The following SLC25A40 variants were observed in gnomAD, a reference collection of about 807,000 sequenced individuals.
SLC25A40 encodes mitochondrial glutathione transporter SLC25A40.
A neutral mutation model predicts 46.5 loss-of-function variants in SLC25A40; 41 were observed. The ratio of observed to expected loss-of-function variants is 0.88; its 90% CI spans 0.69 to 1.14. The LOEUF is 1.14. Among genes scored for constraint, SLC25A40 ranks in the 50% most tolerant of loss-of-function variants. The probability of loss-of-function intolerance (pLI) is 0.00; values close to 1 mark genes in which losing one functional copy is unlikely to be tolerated. For synonymous variants in SLC25A40, 126 were observed against 127.5 expected (o/e 0.99, Z 0.08); for missense variants, 386 against 393.6 (o/e 0.98, Z 0.16).
At chr7:87,870,546 C>G (rs1384173876) in intron 1 of SLC25A40, among the ~76,000 whole-genome samples, 1 of 152,138 alleles carries the variant, frequency 6.6e-6, no homozygotes, top group Non-Finnish European at 1.5e-5. Flanking sequence ...ACTTAGATCC[C>G]TGTTTTCCCA....
At chr7:87,866,589 C>G (rs1838802700) in intron 1 of SLC25A40, among the ~76,000 whole-genome samples, 1 of 152,190 alleles carries the variant, frequency 6.6e-6, no homozygotes, top group African/African-American at 2.4e-5. Flanking sequence ...TGGGCGTCCT[C>G]TGAGGAGAAA....
At chr7:87,865,783 A>C (rs1029122412) in intron 1 of SLC25A40, among the ~76,000 whole-genome samples, 2 of 151,994 alleles carry the variant, frequency 1.3e-5, no homozygotes, top group African/African-American at 4.8e-5. Context: ...GGGGGAAAAA[A>C]AAAGAATATT....
At chr7:87,868,257 T>C (rs1838836656) in intron 1 of SLC25A40, among the ~76,000 whole-genome samples, 1 of 152,194 alleles carries the variant, frequency 6.6e-6, no homozygotes, top group African/African-American at 2.4e-5. Flanking sequence ...GCCAGAAGAC[T>C]CGGAGGAAAA....
At chr7:87,863,268 T>C (rs1202803446) in intron 1 of SLC25A40, among the ~76,000 whole-genome samples, 2 of 152,144 alleles carry the variant, frequency 1.3e-5, no homozygotes, top group African/African-American at 4.8e-5. Flanking sequence ...ATAATCCCCA[T>C]GTGTCATGAG....
At chr7:87,861,565 A>G (rs1385233120) in intron 1 of SLC25A40, among the ~76,000 whole-genome samples, 1 of 152,222 alleles carries the variant, frequency 6.6e-6, no homozygotes, top group Non-Finnish European at 1.5e-5. Flanking sequence ...ATTTTTCTGT[A>G]TATGTGAAAA....
At chr7:87,856,267 T>C (rs754479092) in intron 4 of SLC25A40, 25 bp downstream of exon 4, 2 of 1,542,664 alleles carry the variant, frequency 1.3e-6, no homozygotes, top group Non-Finnish European at 1.8e-6. Flanking sequence ...AAACATAACA[T>C]TTTTAGGGCA....
At chr7:87,872,404 AAAAACAATAGGAAAAAAC>A (rs1461641386) in intron 1 of SLC25A40, among the ~76,000 whole-genome samples, 1 of 152,220 alleles carries the variant, frequency 6.6e-6, no homozygotes, top group Non-Finnish European at 1.5e-5. Context: ...TTGAAAGCTG[AAAAACAATAGGAAAAAAC>A]AATAAAAGCT....
intron 4 of SLC25A40, 136 bp downstream of exon 4, chr7:87,856,156 T>TG (rs1159455526): frequency 1.4e-6 from 1 of 704,280 alleles, no homozygotes; most frequent in African/African-American, 1.8e-5. Context: ...AACTAAATGG[T>TG]GAAAAAAAAA....
intron 6 of SLC25A40, among the ~76,000 whole-genome samples, chr7:87,848,801 T>C (rs1365162293): frequency 6.6e-6 from 1 of 152,214 alleles, no homozygotes; most frequent in Non-Finnish European, 1.5e-5. Context: ...CTAAAGGACA[T>C]TCACAGACTA....
chr7:87,873,477 C>A (rs182660573), intron 1 of SLC25A40, among the ~76,000 whole-genome samples: 22 of 146,524 alleles, frequency 1.5e-4, no homozygotes, highest in Non-Finnish European at 2.8e-4. Context: ...CTGTTGCCCA[C>A]GCTGGAGTGC....
At chr7:87,843,899 G>T in intron 8 of SLC25A40, 36 bp from the exon 9 acceptor site, 1 of 1,490,300 alleles carries the variant, frequency 6.7e-7, no homozygotes, top group South Asian at 1.2e-5. Context: ...CACATATTTA[G>T]AAATAAAATG....
At chr7:87,861,032 C>A (rs940704828) in intron 1 of SLC25A40, among the ~76,000 whole-genome samples, 2 of 152,238 alleles carry the variant, frequency 1.3e-5, no homozygotes, top group East Asian at 3.9e-4. Context: ...AACCTTTAAT[C>A]TGAATCGAAA....
intron 1 of SLC25A40, among the ~76,000 whole-genome samples, chr7:87,871,791 T>C (rs1257677866): frequency 6.6e-6 from 1 of 152,228 alleles, no homozygotes; most frequent in Non-Finnish European, 1.5e-5. Flanking sequence ...TTGCCTTTCT[T>C]AAAATGCACA....
chr7:87,858,548 C>T (rs551821236), intron 3 of SLC25A40, 83 bp downstream of exon 3: 29 of 765,634 alleles, frequency 3.8e-5, no homozygotes, highest in Middle Eastern at 3.2e-4. Flanking sequence ...AAAGAAACTA[C>T]GTTGAAATAC....
At chr7:87,848,142 A>C (rs1437250108) in intron 6 of SLC25A40, among the ~76,000 whole-genome samples, 165 bp from the exon 7 acceptor site, 2 of 152,284 alleles carry the variant, frequency 1.3e-5, no homozygotes, top group African/African-American at 4.8e-5. Context: ...TTAGTTTAAA[A>C]ATGATTAGTA....
chr7:87,871,577 T>C (rs1838896185), intron 1 of SLC25A40, among the ~76,000 whole-genome samples: 1 of 152,240 alleles, frequency 6.6e-6, no homozygotes, highest in Admixed American at 6.5e-5. Context: ...ACAGGTAGTA[T>C]CTATTGAGAT....
intron 5 of SLC25A40, among the ~76,000 whole-genome samples, chr7:87,851,824 G>A (rs1838516661): frequency 6.6e-6 from 1 of 152,100 alleles, no homozygotes; most frequent in Non-Finnish European, 1.5e-5. Flanking sequence ...AGCTAAAATA[G>A]AATGTTTTAA....
intron 8 of SLC25A40, among the ~76,000 whole-genome samples, chr7:87,844,263 C>CA (rs1351490063): frequency 6.6e-6 from 1 of 151,990 alleles, no homozygotes; most frequent in African/African-American, 2.4e-5. Flanking sequence ...CCCAGAAATG[C>CA]AAAGGTATAT....
At chr7:87,862,517 A>G (rs984328963) in intron 1 of SLC25A40, among the ~76,000 whole-genome samples, 2 of 152,252 alleles carry the variant, frequency 1.3e-5, no homozygotes, top group Non-Finnish European at 2.9e-5. Flanking sequence ...CTTAACCAGG[A>G]GATTAATGAA....
Sources: allele counts gnomAD v4.1 joint callset (sites outside exome capture counted in the v4.1 genomes callset), GRCh38; gene constraint gnomAD v4.1.1; transcripts MANE v1.5; gene names NCBI Gene and HGNC (gene_info 2026-07-23, HGNC 2026-07-21).